The following SLC35F4 variants were observed in gnomAD, a reference collection of about 807,000 sequenced individuals.
The protein encoded by SLC35F4 is solute carrier family 35 member F4, also known as chromosome 14 open reading frame 36.
Under a neutral mutation model 44.2 loss-of-function variants are expected in SLC35F4, and 24 were observed. The ratio of observed to expected loss-of-function variants is 0.54; its 90% confidence interval spans 0.39 to 0.76. The LOEUF (loss-of-function observed/expected upper bound fraction) is 0.76. SLC35F4 is among the 30% of genes least tolerant of loss of function. The probability of loss-of-function intolerance (pLI) is 0.00; values close to 1 mark genes in which losing one functional copy is unlikely to be tolerated. For missense variants in SLC35F4, 562 were observed against 586.1 expected (o/e 0.96, Z 0.42); for synonymous variants, 238 against 223.6 (o/e 1.06, Z -0.57).
At position 57,669,267 on chromosome 14, in the gene SLC35F4, C is replaced by T. The variant is rs1272905554; in HGVS notation, c.104-75143G>A. Among the ~76,000 whole-genome samples the T allele has an allele frequency of 3.3e-5, 5 of 151,872 alleles. No individual in the cohort carries two copies. In the South Asian group the frequency reaches 1.0e-3, roughly 32 times the overall value. ...GGGTTTTCTAGATATACAATCATGT[C>T]AACTGCAAACAGGGACAATTTGACT... On this transcript the variant is annotated intron_variant, in intron 1 of 7. Transcript: ENST00000556826.
chr14:57,769,983 G>A (rs2077324433), intron 1 of SLC35F4, among the ~76,000 whole-genome samples: 1 of 152,074 alleles, frequency 6.6e-6, no homozygotes. Flanking sequence ...TGCCTTCTTT[G>A]CCAAGGGCCC....
chr14:57,637,498 C>T (rs2073058868), intron 1 of SLC35F4, among the ~76,000 whole-genome samples: 1 of 152,106 alleles, frequency 6.6e-6, no homozygotes, highest in South Asian at 2.1e-4. Context: ...TCTCTGCAGT[C>T]TTACACGTTT....
intron 1 of SLC35F4, among the ~76,000 whole-genome samples, chr14:57,663,757 C>T (rs963769876): frequency 2.6e-5 from 4 of 152,148 alleles, no homozygotes; most frequent in African/African-American, 9.7e-5. Context: ...AATCAGGCTG[C>T]TGGGCCCTTG....
At chr14:57,570,690 CTCT>C (rs1394054214) in intron 5 of SLC35F4, among the ~76,000 whole-genome samples, 2 of 152,286 alleles carry the variant, frequency 1.3e-5, no homozygotes, top group East Asian at 3.9e-4. Flanking sequence ...TGAAGCAGAT[CTCT>C]TCTGCCTGGA....
intron 1 of SLC35F4, among the ~76,000 whole-genome samples, chr14:57,942,121 C>T (rs1033478450): frequency 1.3e-5 from 2 of 152,168 alleles, no homozygotes; most frequent in Non-Finnish European, 2.9e-5. Context: ...CTGAAATATT[C>T]TGCCTCAAGA....
At chr14:57,675,644 G>C (rs1003385065) in intron 1 of SLC35F4, among the ~76,000 whole-genome samples, 1 of 152,054 alleles carries the variant, frequency 6.6e-6, no homozygotes. Flanking sequence ...GATGTTGGCT[G>C]TGGGTTTGTC....
chr14:57,600,562 G>A (rs889400442), intron 1 of SLC35F4, among the ~76,000 whole-genome samples: 1 of 146,524 alleles, frequency 6.8e-6, no homozygotes, highest in African/African-American at 2.5e-5. Context: ...CGTAGTGGCG[G>A]GCGCCTGTAG....
intron 1 of SLC35F4, among the ~76,000 whole-genome samples, chr14:57,941,552 A>G (rs1889917163): frequency 6.6e-6 from 1 of 152,190 alleles, no homozygotes; most frequent in Non-Finnish European, 1.5e-5. Flanking sequence ...GATGGAGAGT[A>G]AATGCTTAAT....
intron 1 of SLC35F4, among the ~76,000 whole-genome samples, chr14:57,861,222 T>G (rs1887652316): frequency 6.6e-6 from 1 of 152,080 alleles, no homozygotes; most frequent in Non-Finnish European, 1.5e-5. Flanking sequence ...TGATCTCTCT[T>G]TCTACTTGGA....
chr14:57,726,985 G>A (rs1346456692), intron 1 of SLC35F4, among the ~76,000 whole-genome samples: 3 of 152,082 alleles, frequency 2.0e-5, no homozygotes, highest in South Asian at 2.1e-4. Context: ...CGTGCTGGAT[G>A]CTTCCTGCCC....
rs530960261 is a variant in SLC35F4, at chr14:57,719,321, T to C, written c.104-125197A>G. 5.3e-4 allele frequency among the ~76,000 whole-genome samples: 80 copies of C among 152,328 alleles called. 1 individual carries two copies. The highest frequency in any genetic ancestry group is 1.8e-3 in the African/African-American group (75 of 41,586). On this transcript the variant is annotated intron_variant, in intron 1 of 7. Transcript: ENST00000556826. Reference sequence around the variant, plus strand: ...CTATTATGGGTCCTTTGTGATTCCATATGAATTTTAGGATTGTTTTTCCAT... The same window carrying C: ...CTATTATGGGTCCTTTGTGATTCCACATGAATTTTAGGATTGTTTTTCCAT...
chr14:57,753,250 G>A (rs1460905238), intron 1 of SLC35F4, among the ~76,000 whole-genome samples: 4 of 152,142 alleles, frequency 2.6e-5, no homozygotes, highest in South Asian at 2.1e-4. Flanking sequence ...CACAAGCCCC[G>A]CTATCACTAG....
At chr14:57,926,949 C>T (rs140030002) in intron 1 of SLC35F4, among the ~76,000 whole-genome samples, 113 of 152,128 alleles carry the variant, frequency 7.4e-4, no homozygotes, top group African/African-American at 2.6e-3. Context: ...GGAGATGCAA[C>T]GCTGAAATAA....
intron 1 of SLC35F4, among the ~76,000 whole-genome samples, chr14:57,728,185 T>A (rs190059628): frequency 1.7e-4 from 26 of 152,294 alleles, no homozygotes; most frequent in Middle Eastern, 3.4e-3. Context: ...ATATTTTGTC[T>A]TAAATAAGTA....
chr14:57,572,587 T>C (rs893067447), intron 4 of SLC35F4, among the ~76,000 whole-genome samples: 1 of 152,166 alleles, frequency 6.6e-6, no homozygotes, highest in Non-Finnish European at 1.5e-5. Flanking sequence ...GCAAGCTGAG[T>C]CTGCACTGTC....
At chr14:57,665,186 T>C (rs2074267819) in intron 1 of SLC35F4, among the ~76,000 whole-genome samples, 2 of 151,924 alleles carry the variant, frequency 1.3e-5, no homozygotes, top group Admixed American at 6.6e-5. Context: ...CTGAGGTTTA[T>C]AGAGAAATAG....
intron 1 of SLC35F4, chr14:57,630,060 T>C (rs2072690760): frequency 3.7e-6 from 2 of 540,120 alleles, no homozygotes; most frequent in Non-Finnish European, 7.5e-6. Flanking sequence ...CAAGAGGATT[T>C]GCTTATATTC....
At chr14:57,887,791 G>A (rs1445937383) in intron 1 of SLC35F4, among the ~76,000 whole-genome samples, 1 of 152,166 alleles carries the variant, frequency 6.6e-6, no homozygotes, top group African/African-American at 2.4e-5. Context: ...ATTCTCAAGA[G>A]GGAGCCTCAA....
chr14:57,859,329 T>C (rs1856229919), intron 1 of SLC35F4, among the ~76,000 whole-genome samples: 1 of 152,110 alleles, frequency 6.6e-6, no homozygotes, highest in Non-Finnish European at 1.5e-5. Flanking sequence ...TAAAGCCACT[T>C]GCGTGTGTCC....
Sources: allele counts gnomAD v4.1 joint callset (sites outside exome capture counted in the v4.1 genomes callset), GRCh38; gene constraint gnomAD v4.1.1; transcripts MANE v1.5; gene names NCBI Gene and HGNC (gene_info 2026-07-23, HGNC 2026-07-21).